Variants in IGSF5 observed in about 807,000 individuals in gnomAD.
The protein encoded by IGSF5 is immunoglobulin superfamily 5 like.
Under a neutral mutation model 39.4 loss-of-function variants are expected in IGSF5, and 41 were observed. That is an observed-to-expected ratio of 1.04 (90% CI 0.81 to 1.35). IGSF5 has a LOEUF of 1.35. IGSF5 is among the 40% of genes most tolerant of loss of function. The pLI is 0.00. For missense variants in IGSF5, 487 were observed against 494.6 expected (o/e 0.98, Z 0.15); for synonymous variants, 183 against 175.3 (o/e 1.04, Z -0.34).
the IGSF5 span, among the ~76,000 whole-genome samples, chr21:39,734,290 G>T: frequency 6.6e-6 from 1 of 151,768 alleles, no homozygotes; most frequent in African/African-American, 2.4e-5. Context: ...AGGCATTGTG[G>T]CACGTACCTG....
At chr21:39,766,381 G>C (rs897467207) in intron 3 of IGSF5, among the ~76,000 whole-genome samples, 3 of 152,126 alleles carry the variant, frequency 2.0e-5, no homozygotes, top group Admixed American at 1.3e-4. Flanking sequence ...AGAGACAGTT[G>C]TCAATCACTG....
At chr21:39,746,403 G>T (rs2079975080) in intron 2 of IGSF5, 105 bp downstream of exon 2, 4 of 599,990 alleles carry the variant, frequency 6.7e-6, no homozygotes, top group South Asian at 1.9e-5. Flanking sequence ...CCATACAAAG[G>T]GAGGGGTCCC....
chr21:39,721,829 T>G, the IGSF5 span, among the ~76,000 whole-genome samples: 1 of 152,258 alleles, frequency 6.6e-6, no homozygotes, highest in East Asian at 1.9e-4. Flanking sequence ...CTATTTATCA[T>G]GAACACTGTT....
chr21:39,747,524 C>T (rs1367934524), intron 2 of IGSF5, among the ~76,000 whole-genome samples: 2 of 152,194 alleles, frequency 1.3e-5, no homozygotes, highest in Non-Finnish European at 2.9e-5. Flanking sequence ...CTTAGCAGAA[C>T]TGTTTAATGA....
chr21:39,718,420 T>G, the IGSF5 span, among the ~76,000 whole-genome samples: 1 of 152,178 alleles, frequency 6.6e-6, no homozygotes, highest in Non-Finnish European at 1.5e-5. Context: ...TATTCTTGTC[T>G]TGTGCTGATT....
Position 39,792,092 on chromosome 21 carries a change from G to A in IGSF5, c.1041G>A (p.Lys347=). ...ENSGYNSDEQ[K]TTDTASLPPK... is the part of the protein sequence containing the mutation. ...CCGGCTACAATTCAGATGAACAAAA[G>A]ACCACAGGTGAGTAGACAAGAGGGG... Residue 347 remains lysine (K), a synonymous_variant, in exon 7 of 9, where the codon AAG becomes AAA. Transcript: ENST00000380588. The A allele has an allele frequency of 6.2e-7, 1 of 1,605,678 alleles. No individual in the cohort carries two copies.
At chr21:39,713,984 C>A in the IGSF5 span, among the ~76,000 whole-genome samples, 4 of 152,234 alleles carry the variant, frequency 2.6e-5, no homozygotes, top group Non-Finnish European at 5.9e-5. Context: ...CACAAGGTCC[C>A]GGTCTTTTCA....
chr21:39,738,542 T>C, the IGSF5 span, among the ~76,000 whole-genome samples: 1 of 152,138 alleles, frequency 6.6e-6, no homozygotes, highest in African/African-American at 2.4e-5. The surrounding 1 kb of genome is among the most constrained non-coding windows in gnomAD (Gnocchi z 6.4). Flanking sequence ...CTTGATAATA[T>C]TTTAATTTTT....
At chr21:39,726,408 G>A in the IGSF5 span, among the ~76,000 whole-genome samples, 5 of 152,188 alleles carry the variant, frequency 3.3e-5, no homozygotes, top group African/African-American at 9.6e-5. Context: ...CTTGGAGTGC[G>A]CAGAAGACAC....
At chr21:39,789,552 G>A (rs1870509787) in intron 6 of IGSF5, among the ~76,000 whole-genome samples, 1 of 151,934 alleles carries the variant, frequency 6.6e-6, no homozygotes, top group Admixed American at 6.5e-5. Flanking sequence ...GATGTCCATG[G>A]TGCTCACTCC....
intron 3 of IGSF5, among the ~76,000 whole-genome samples, chr21:39,767,315 A>C (rs1181105874): frequency 6.6e-6 from 1 of 152,138 alleles, no homozygotes; most frequent in Non-Finnish European, 1.5e-5. Context: ...CAGGTGAAAA[A>C]ATGGCTAAAG....
intron 2 of IGSF5, among the ~76,000 whole-genome samples, chr21:39,746,737 T>A (rs1331775465): frequency 6.6e-6 from 1 of 152,186 alleles, no homozygotes; most frequent in African/African-American, 2.4e-5. Context: ...TAAGACACTT[T>A]CGGAATGGGG....
upstream of IGSF5, among the ~76,000 whole-genome samples, chr21:39,743,891 C>A (rs1053726028): frequency 6.6e-6 from 1 of 152,100 alleles, no homozygotes; most frequent in Non-Finnish European, 1.5e-5. Context: ...TAAGTCATTT[C>A]TTTCTTAGCG....
intron 2 of IGSF5, among the ~76,000 whole-genome samples, chr21:39,759,669 A>G (rs949812882): frequency 6.6e-6 from 1 of 152,022 alleles, no homozygotes; most frequent in Non-Finnish European, 1.5e-5. Flanking sequence ...GATTGAGACC[A>G]TCCTGGCTAA....
chr21:39,759,353 T>C (rs2080049161), intron 2 of IGSF5, among the ~76,000 whole-genome samples: 1 of 152,216 alleles, frequency 6.6e-6, no homozygotes, highest in Admixed American at 6.5e-5. Context: ...TGGAGGTGTT[T>C]ATTAAACATT....
At chr21:39,718,712 G>T in the IGSF5 span, among the ~76,000 whole-genome samples, 14 of 152,174 alleles carry the variant, frequency 9.2e-5, no homozygotes, top group Non-Finnish European at 1.8e-4. Context: ...CTTGTTTGTG[G>T]TGGATTAACT....
the IGSF5 span, among the ~76,000 whole-genome samples, chr21:39,714,131 G>A: frequency 6.6e-6 from 1 of 152,242 alleles, no homozygotes; most frequent in Non-Finnish European, 1.5e-5. Context: ...CGCATTCATC[G>A]GTTGCTTGGC....
At chr21:39,757,973 G>T in intron 2 of IGSF5, among the ~76,000 whole-genome samples, 1 of 152,144 alleles carries the variant, frequency 6.6e-6, no homozygotes, top group East Asian at 1.9e-4. Context: ...GCGGGGGGTG[G>T]AGGTGGCGGT....
In IGSF5 at chr21:39,779,248, C is replaced by T. The variant is rs778071541; in HGVS notation, c.877C>T (p.Arg293Cys). 8.1e-6 allele frequency: 13 copies of T among 1,613,482 alleles called. No individual in the cohort carries two copies. Among genetic ancestry groups the T allele is most frequent in the East Asian group, 2.2e-5 (1 of 44,872 alleles). ...LTIRCCCCRRRCCGCNCCCRC... is the reference protein window; with the variant it reads ...LTIRCCCCRRCCCGCNCCCRC... ...AATACGCTGCTGCTGCTGCCGCCGT[C>T]GTTGTTGTGGCTGCAACTGCTGCTG... Residue 293 changes from arginine (R) to cysteine (C), a missense_variant, in exon 5 of 9, where the codon CGT (arginine) becomes TGT (cysteine). By Grantham distance (180) the Arg-to-Cys change is radical. Coordinates refer to ENST00000380588, the MANE Select transcript of IGSF5 (RefSeq NM_001080444.2).
Sources: gnomAD v4.1 joint callset for allele counts (sites outside exome capture counted in the v4.1 genomes callset) on GRCh38, gnomAD v4.1.1 for gene constraint, Gnocchi (gnomAD v3.1) non-coding constraint, MANE v1.5 for transcripts, NCBI Gene and HGNC (gene_info 2026-07-23, HGNC 2026-07-21) for gene names.